Variants in SOS2 observed in about 807,000 individuals in gnomAD.
SOS2 encodes the protein son of sevenless homolog 2.
SOS2 carries 65 observed loss-of-function variants against 148.2 expected under a neutral mutation model. The ratio of observed to expected loss-of-function variants is 0.44; its 90% CI spans 0.36 to 0.54. SOS2 has a LOEUF of 0.54. Ranked by LOEUF, SOS2 falls within the 20% of genes least tolerant of loss-of-function variation. SOS2 has a pLI of 0.00. For missense variants in SOS2, 1,341 were observed against 1,590.2 expected, an observed-to-expected ratio of 0.84 and a Z score of 2.67; for synonymous variants, 539 against 537.1, an observed-to-expected ratio of 1.00 and a Z score of -0.05.
At chr14:50,165,978 A>G (rs1382224699) in intron 8 of SOS2, among the ~76,000 whole-genome samples, 1 of 152,134 alleles carries the variant, frequency 6.6e-6, no homozygotes, top group Non-Finnish European at 1.5e-5. Flanking sequence ...CTTTTTTGCT[A>G]CACTAATACC....
At chr14:50,231,174 G>A in intron 1 of SOS2, 23 bp downstream of exon 1, 2 of 1,362,642 alleles carry the variant, frequency 1.5e-6, no homozygotes, top group Non-Finnish European at 9.7e-7. Context: ...CCACCCGCCG[G>A]CCGCCCCGCC....
chr14:50,231,264 G>T lies in SOS2; in HGVS notation c.20C>A (p.Pro7His). The change falls in exon 1 of 23, where the codon CCT becomes CAT. Residue 7 changes from proline to histidine, a missense_variant. Physicochemically the swap from Pro to His is moderately conservative, Grantham distance 77 (BLOSUM62 -2). Coordinates refer to ENST00000216373, the MANE Select transcript of SOS2 (RefSeq NM_006939.4). MQQAPQPYEFFSEENSP... is the reference protein window; with the variant it reads MQQAPQHYEFFSEENSP... ...GTTCTCCTCGCTGAAGAACTCGTAA[G>T]GCTGCGGCGCCTGCTGCATGGCCCC... 6.8e-7 allele frequency: 1 copy of T among 1,480,498 alleles called. No homozygotes were observed. Among genetic ancestry groups the T allele is most frequent in the Non-Finnish European group, 9.1e-7 (1 of 1,101,754 alleles). 91.7% of individuals were successfully genotyped at this position (1,480,498 alleles called of 1,614,324 possible).
At chr14:50,172,921 A>T (rs1357052035) in intron 8 of SOS2, among the ~76,000 whole-genome samples, 1 of 152,178 alleles carries the variant, frequency 6.6e-6, no homozygotes, top group Non-Finnish European at 1.5e-5. Flanking sequence ...TCTAGCTAAC[A>T]TCTAAGAACT....
intron 1 of SOS2, among the ~76,000 whole-genome samples, chr14:50,215,926 T>A (rs970943398): frequency 1.3e-5 from 2 of 152,184 alleles, no homozygotes; most frequent in Non-Finnish European, 1.5e-5. Flanking sequence ...TAATTAACAT[T>A]TGAGTTTCAG....
At chr14:50,228,797 G>A (rs1566489913) in intron 1 of SOS2, among the ~76,000 whole-genome samples, 1 of 152,206 alleles carries the variant, frequency 6.6e-6, no homozygotes, top group South Asian at 2.1e-4. Context: ...TACATCTTTG[G>A]AGGGGCCTTT....
chr14:50,228,043 A>ATT (rs5808544), intron 1 of SOS2, among the ~76,000 whole-genome samples: 3 of 142,490 alleles, frequency 2.1e-5, no homozygotes, highest in Non-Finnish European at 1.5e-5. Context: ...GATGCAAGTA[A>ATT]TTTTTTTTTT....
At chr14:50,177,008 G>A (rs1594995618) in intron 7 of SOS2, among the ~76,000 whole-genome samples, 1 of 151,822 alleles carries the variant, frequency 6.6e-6, no homozygotes. Context: ...AGATTCCGCC[G>A]CAAACAAACA....
At position 50,205,901 on chromosome 14, in the gene SOS2, C is replaced by T. The variant is rs149982001; in HGVS notation, c.88-1492G>A. ...CACCACTGCACTCCAGCCTGGGCAA[C>T]TCCATCTCAAAAAAAAAAAAAAATA... On this transcript the variant is annotated intron_variant, in intron 1 of 22. Coordinates refer to ENST00000216373, the MANE Select transcript of SOS2 (RefSeq NM_006939.4). Among the ~76,000 whole-genome samples the T allele has an allele frequency of 1.4e-3, 166 of 119,144 alleles. 3 individuals are homozygous for T. The highest frequency in any genetic ancestry group is 4.4e-3 in the African/African-American group (123 of 28,142). The allele number at this position is 119,144 out of a possible 152,430, so 78.2% of individuals were successfully genotyped here.
chr14:50,171,272 C>T (rs193056156), intron 8 of SOS2, among the ~76,000 whole-genome samples: 54 of 152,122 alleles, frequency 3.5e-4, no homozygotes, highest in Middle Eastern at 3.4e-3. Flanking sequence ...CATTACCATA[C>T]GATCCATCCA....
intron 1 of SOS2, among the ~76,000 whole-genome samples, chr14:50,227,418 A>ATTT (rs544052469): frequency 0.015 from 1,775 of 119,248 alleles, 48 homozygotes; most frequent in African/African-American, 0.053. Context: ...TAATTTTGGT[A>ATTT]TTTTTTTTTT....
intron 11 of SOS2, among the ~76,000 whole-genome samples, chr14:50,157,585 T>C (rs542296853): frequency 5.9e-5 from 9 of 152,124 alleles, no homozygotes; most frequent in Non-Finnish European, 8.8e-5. Context: ...TGCTCAAACA[T>C]AGGAAATACA....
intron 8 of SOS2, 144 bp downstream of exon 8, chr14:50,174,310 T>C: frequency 2.4e-6 from 1 of 417,170 alleles, no homozygotes. Context: ...GATAGAAATT[T>C]AGAGCAATGT....
chr14:50,180,815 C>T, intron 6 of SOS2, 133 bp from the exon 7 acceptor site: 1 of 512,340 alleles, frequency 2.0e-6, no homozygotes, highest in Non-Finnish European at 3.4e-6. Flanking sequence ...TATATTCCAG[C>T]TCGAGCAACA....
chr14:50,152,830 T>C (rs1884702678), intron 13 of SOS2, among the ~76,000 whole-genome samples: 1 of 152,080 alleles, frequency 6.6e-6, no homozygotes, highest in Non-Finnish European at 1.5e-5. Context: ...CCAGGCGTGA[T>C]GTCATGTGCC....
chr14:50,218,917 A>T (rs141833642), intron 1 of SOS2, among the ~76,000 whole-genome samples: 1,739 of 152,168 alleles, frequency 0.011, 35 homozygotes, highest in African/African-American at 0.04. Flanking sequence ...GATCGAGACC[A>T]TCCTGGCCAA....
intron 1 of SOS2, among the ~76,000 whole-genome samples, chr14:50,221,156 T>C (rs1373275881): frequency 4.6e-5 from 7 of 152,248 alleles, no homozygotes; most frequent in Non-Finnish European, 8.8e-5. Context: ...TTACAATCTT[T>C]CACTACTCAC....
Position 50,118,584 on chromosome 14 carries a change from A to C in SOS2, c.3759T>G (p.Ser1253Arg). Residue 1253 changes from serine (S) to arginine (R), a missense_variant, in exon 23 of 23, where the codon AGT (serine) becomes AGG (arginine). Ser to Arg is a moderately radical substitution (Grantham distance 110). Transcript: ENST00000216373. ...GAGTGCTTGGCGAATTTGGACACGT[A>C]CTAATGTCTCTGAGCCAGTCTGAAT... Reference protein sequence around the residue: ...HRDSDWLRDISTCPNSPSTPP... With the variant: ...HRDSDWLRDIRTCPNSPSTPP... The C allele has an allele frequency of 6.2e-7, 1 of 1,614,172 alleles. No individual in the cohort carries two copies. The highest frequency in any genetic ancestry group is 8.5e-7 in the Non-Finnish European group (1 of 1,180,024).
intron 1 of SOS2, among the ~76,000 whole-genome samples, chr14:50,218,976 G>A (rs1031521978): frequency 6.6e-6 from 1 of 152,038 alleles, no homozygotes; most frequent in Admixed American, 6.6e-5. Flanking sequence ...AGCCGGGCGT[G>A]GTGGGGCGTG....
chr14:50,221,478 G>A (rs1887199924), intron 1 of SOS2, among the ~76,000 whole-genome samples: 1 of 152,160 alleles, frequency 6.6e-6, no homozygotes, highest in Admixed American at 6.5e-5. Context: ...AAGAAAGGCA[G>A]ATCTCTCACT....
Sources: allele counts gnomAD v4.1 joint callset (sites outside exome capture counted in the v4.1 genomes callset), GRCh38; gene constraint gnomAD v4.1.1; transcripts MANE v1.5; gene names NCBI Gene and HGNC (gene_info 2026-07-23, HGNC 2026-07-21).